Variants in NYNRIN observed in about 807,000 individuals in gnomAD.
NYNRIN encodes protein NYNRIN.
In NYNRIN, 86 loss-of-function variants were observed where a neutral mutation model predicts 146.6. The ratio of observed to expected loss-of-function variants is 0.59; its 90% CI spans 0.49 to 0.70. The LOEUF is 0.70. Ranked by LOEUF, NYNRIN falls within the 30% of genes least tolerant of loss-of-function variation. The pLI, the probability that NYNRIN is intolerant of heterozygous loss-of-function variation, is 0.00. For synonymous variants in NYNRIN, 1,027 were observed against 1,001.3 expected, an observed-to-expected ratio of 1.03 and a Z score of -0.48; for missense variants, 2,191 against 2,377.7, an observed-to-expected ratio of 0.92 and a Z score of 1.63.
chr14:24,415,017 A>G lies in NYNRIN; in HGVS notation c.3268A>G (p.Asn1090Asp). 1 of 1,604,154 alleles carries G rather than the reference A, an allele frequency of 6.2e-7. No homozygotes were observed. The highest frequency in any genetic ancestry group is 8.5e-7 in the Non-Finnish European group (1 of 1,172,460). Residue 1090 changes from asparagine (N) to aspartate (D), a missense_variant, in exon 9 of 9, where the codon AAC becomes GAC. This residue lies in a region of NYNRIN where 1,291 missense variants were observed against 1,417.0 expected (regional missense o/e 0.91). Coordinates refer to ENST00000382554, the MANE Select transcript of NYNRIN (RefSeq NM_025081.3). Reference protein sequence around the residue: ...AHLAQLTIPSNFTALSFFMGF... With the variant: ...AHLAQLTIPSDFTALSFFMGF... ...CCTGGCCCAGCTCACCATCCCCAGC[A>G]ACTTCACCGCACTCTCCTTCTTCAT...
chr14:24,408,782 G>C lies in NYNRIN; in HGVS notation c.988G>C (p.Asp330His). The C allele has an allele frequency of 6.2e-7, 1 of 1,614,044 alleles. No individual in the cohort carries two copies. The highest frequency in any genetic ancestry group is 1.1e-5 in the South Asian group (1 of 91,082). Residue 330 changes from aspartate (D) to histidine (H), a missense_variant, in exon 4 of 9, where the codon GAT (aspartate) becomes CAT (histidine). By Grantham distance (81) the Asp-to-His change is moderately conservative. Coordinates refer to ENST00000382554, the MANE Select transcript of NYNRIN (RefSeq NM_025081.3). ...GCAAAGGCAGGTCCAGAAGATAGAA[G>C]ATAAACTCCTCTTCCAACCTCCAGT... is the stretch of plus-strand genomic sequence containing the variant. ...LKQRQVQKIE[D>H]KLLFQPPVSA...
At position 24,416,997 on chromosome 14, in the gene NYNRIN, G is replaced by T. The variant is rs2042952583; in HGVS notation, c.5248G>T (p.Ala1750Ser). 6.3e-7 allele frequency: 1 copy of T among 1,588,078 alleles called. No individual in the cohort carries two copies. Among genetic ancestry groups the T allele is most frequent in the Non-Finnish European group, 8.6e-7 (1 of 1,165,504 alleles). Residue 1750 changes from alanine to serine, a missense_variant, in exon 9 of 9, where the codon GCC (alanine) becomes TCC (serine). Transcript: ENST00000382554. ...GCCTTTGCTGCACCTGGCCTTCAGG[G>T]CCTCCTCCACTGATGCCACACCGTT... ...SLPLLHLAFR[A>S]SSTDATPFKV...
chr14:24,407,599 G>A (rs931027808), intron 2 of NYNRIN, among the ~76,000 whole-genome samples: 2 of 152,218 alleles, frequency 1.3e-5, no homozygotes, highest in African/African-American at 4.8e-5. Flanking sequence ...AGTTGAGGTC[G>A]AGTTGGAGCT....
In NYNRIN at chr14:24,416,764, G is replaced by T; in HGVS notation, c.5015G>T (p.Gly1672Val). 6.2e-7 allele frequency: 1 copy of T among 1,613,766 alleles called. No homozygotes were observed. ...CTTCAGCATGTGTTTGCAAGGTGGGGTGTTCCTGTGAGGCTGGAGGCAGCC... is the reference window on the plus strand; with the variant it reads ...CTTCAGCATGTGTTTGCAAGGTGGGTTGTTCCTGTGAGGCTGGAGGCAGCC... ...VLLQHVFARW[G>V]VPVRLEAAQG... Residue 1672 changes from glycine (G) to valine (V), a missense_variant, in exon 9 of 9, where the codon GGT becomes GTT. By Grantham distance (109) the Gly-to-Val change is moderately radical. This residue lies in a region of NYNRIN where 1,291 missense variants were observed against 1,417.0 expected (regional missense o/e 0.91). Coordinates refer to ENST00000382554, the MANE Select transcript of NYNRIN (RefSeq NM_025081.3).
At position 24,413,064 on chromosome 14, in the gene NYNRIN, A is replaced by G; in HGVS notation, c.2710A>G (p.Met904Val). 1.9e-6 allele frequency: 3 copies of G among 1,598,746 alleles called. No individual in the cohort carries two copies. The highest frequency in any genetic ancestry group is 2.6e-6 in the Non-Finnish European group (3 of 1,172,430). Reference sequence around the variant, plus strand: ...CACCAATGAGCAGATTCACATCCTGATGAATAGTTCCAAGAAACTGATGGT... The same window carrying G: ...CACCAATGAGCAGATTCACATCCTGGTGAATAGTTCCAAGAAACTGATGGT... ...IVTNEQIHILMNSSKKLMVKD... is the reference protein window; with the variant it reads ...IVTNEQIHILVNSSKKLMVKD... Residue 904 changes from methionine to valine, a missense_variant, in exon 7 of 9, where the codon ATG becomes GTG. Physicochemically the swap from Met to Val is conservative, Grantham distance 21. Coordinates refer to ENST00000382554, the MANE Select transcript of NYNRIN (RefSeq NM_025081.3).
chr14:24,404,273 T>C (rs940492426), intron 2 of NYNRIN, among the ~76,000 whole-genome samples: 3 of 152,260 alleles, frequency 2.0e-5, no homozygotes, highest in Non-Finnish European at 4.4e-5. Flanking sequence ...ATTTTATCTT[T>C]GAAGCCTTTT....
chr14:24,417,877 A>G lies in NYNRIN; in HGVS notation c.*431A>G, dbSNP rs2042959578. 1 of 193,986 alleles carries G rather than the reference A, an allele frequency of 5.2e-6. No homozygotes were observed. Among genetic ancestry groups the G allele is most frequent in the Non-Finnish European group, 1.1e-5 (1 of 93,648 alleles). 12.0% of individuals were successfully genotyped at this position (193,986 alleles called of 1,614,324 possible). On this transcript the variant is annotated 3_prime_UTR_variant, in exon 9 of 9. Transcript: ENST00000382554. Reference sequence around the variant, plus strand: ...AACCACAGTCCTTTCCCATACAGAAACCCCAAATGTGGGCTCCTCCCTCCA... The same window carrying G: ...AACCACAGTCCTTTCCCATACAGAAGCCCCAAATGTGGGCTCCTCCCTCCA...
In NYNRIN at chr14:24,416,216, C is replaced by G. The variant is rs575303770; in HGVS notation, c.4467C>G (p.Ala1489=). ...TACAGCTGAGTGACAGCACCCTGGC[C>G]GACATCATTGCCAGGCTGCAGGCTG... The part of the protein sequence containing the change: ...LALQLSDSTL[A]DIIARLQAGQ... The change falls in exon 9 of 9, where the codon GCC becomes GCG. Residue 1489 remains alanine (A), a synonymous_variant. Coordinates refer to ENST00000382554, the MANE Select transcript of NYNRIN (RefSeq NM_025081.3). 1.2e-6 allele frequency: 2 copies of G among 1,613,970 alleles called. No homozygotes were observed. Among genetic ancestry groups the G allele is most frequent in the Admixed American group, 1.7e-5 (1 of 60,022 alleles).
chr14:24,400,429 C>T (rs758765518), intron 2 of NYNRIN, among the ~76,000 whole-genome samples: 4 of 152,206 alleles, frequency 2.6e-5, no homozygotes, highest in Non-Finnish European at 4.4e-5. Context: ...CCCTTCACCA[C>T]GCACACCTAC....
At chr14:24,401,825 T>A (rs1270756071) in intron 2 of NYNRIN, among the ~76,000 whole-genome samples, 1 of 152,210 alleles carries the variant, frequency 6.6e-6, no homozygotes, top group African/African-American at 2.4e-5. Flanking sequence ...AAAGTGGAAG[T>A]CTTGGATTAA....
intron 4 of NYNRIN, among the ~76,000 whole-genome samples, chr14:24,410,819 C>T (rs574543866): frequency 6.6e-6 from 1 of 152,354 alleles, no homozygotes; most frequent in South Asian, 2.1e-4. Context: ...TGCCTTCTTC[C>T]TCTTGCCCTC....
Position 24,413,449 on chromosome 14 carries a change from C to T in NYNRIN, c.2846+32C>T, listed in dbSNP as rs140642292. ...GGTCAGACCTCCCCAGCCTCCCAGG[C>T]CCTCCTGGGGCTGATCGGAAACTTC... On this transcript the variant is annotated intron_variant, in intron 8 of 8. Transcript: ENST00000382554. The T allele has an allele frequency of 7.6e-4, 1,126 of 1,472,444 alleles. 11 individuals carry two copies. The African/African-American group carries it at 0.014, about 18-fold the overall frequency. 91.2% of individuals were successfully genotyped at this position (1,472,444 alleles called of 1,614,324 possible). A position where few individuals can be genotyped will look rare whatever the true frequency, so the allele number is the denominator to read the frequency against.
At position 24,415,892 on chromosome 14, in the gene NYNRIN, C is replaced by T. The variant is rs1389668731; in HGVS notation, c.4143C>T (p.Ile1381=). 1.2e-6 allele frequency: 2 copies of T among 1,614,010 alleles called. No homozygotes were observed. Among genetic ancestry groups the T allele is most frequent in the Non-Finnish European group, 1.7e-6 (2 of 1,179,892 alleles). Residue 1381 remains isoleucine, a synonymous_variant, in exon 9 of 9, where the codon ATC becomes ATT. Transcript: ENST00000382554. ...TTTTCCTCACTCACTGCAACTGGAT[C>T]TTCAGCCTCCTGTGGGAGCTCCTGC... ...PVVFLTHCNW[I]FSLLWELLPL...
chr14:24,415,158 G>T lies in NYNRIN; in HGVS notation c.3409G>T (p.Ala1137Ser). The change falls in exon 9 of 9, where the codon GCC becomes TCC. Residue 1137 changes from alanine to serine, a missense_variant. Around this residue, in one of 3 missense-constraint regions of NYNRIN, gnomAD observed 1,291 missense variants for 1,417.0 expected, o/e 0.91. Coordinates refer to ENST00000382554, the MANE Select transcript of NYNRIN (RefSeq NM_025081.3). ...GCAGTGGGACCAGGAGCATGAGGAG[G>T]CCTTCCTGGCCCTGAAGCGAGCCCT... ...DWQWDQEHEE[A>S]FLALKRALVS... 1 of 1,606,148 alleles carries T rather than the reference G, an allele frequency of 6.2e-7. No individual in the cohort carries two copies. The highest frequency in any genetic ancestry group is 8.5e-7 in the Non-Finnish European group (1 of 1,178,956).
At chr14:24,404,138 T>C (rs981841621) in intron 2 of NYNRIN, among the ~76,000 whole-genome samples, 1 of 152,244 alleles carries the variant, frequency 6.6e-6, no homozygotes, top group Non-Finnish European at 1.5e-5. Flanking sequence ...TGGGGAAGTA[T>C]TTAGTCGATG....
At chr14:24,400,221 A>C (rs1398501551) in intron 2 of NYNRIN, among the ~76,000 whole-genome samples, 1 of 152,124 alleles carries the variant, frequency 6.6e-6, no homozygotes, top group Non-Finnish European at 1.5e-5. Flanking sequence ...AGGGCTTGCT[A>C]TGTGGGGCTG....
In NYNRIN at chr14:24,408,373, G is replaced by T; in HGVS notation, c.703G>T (p.Val235Leu). The part of the protein sequence containing the change: ...PQQQKEAPAM[V>L]SVGESPGPFV... ...GCAGCAGAAGGAAGCCCCAGCCATG[G>T]TGTCCGTGGGAGAGAGTCCTGGACC... Residue 235 changes from valine to leucine, a missense_variant, in exon 3 of 9, where the codon GTG becomes TTG. Val to Leu is a conservative substitution (Grantham distance 32). Coordinates refer to ENST00000382554, the MANE Select transcript of NYNRIN (RefSeq NM_025081.3). 2.5e-6 allele frequency: 4 copies of T among 1,613,898 alleles called. No homozygotes were observed. Among genetic ancestry groups the T allele is most frequent in the Non-Finnish European group, 3.4e-6 (4 of 1,179,892 alleles).
Position 24,415,132 on chromosome 14 carries a change from G to A in NYNRIN, c.3383G>A (p.Trp1128Ter). Residue 1128 changes from tryptophan to a stop codon, truncating the protein, a stop_gained, in exon 9 of 9, where the codon TGG becomes TAG. Coordinates refer to ENST00000382554, the MANE Select transcript of NYNRIN (RefSeq NM_025081.3). LOFTEE classifies it high-confidence loss of function. ...AGCCTCCTCAAGCAGAAGCCTGACT[G>A]GCAGTGGGACCAGGAGCATGAGGAG... ...LHSLLKQKPD[W>*]QWDQEHEEAF... 1 of 1,605,856 alleles carries A rather than the reference G, an allele frequency of 6.2e-7. No individual in the cohort carries two copies. Among genetic ancestry groups the A allele is most frequent in the Non-Finnish European group, 8.5e-7 (1 of 1,179,054 alleles).
chr14:24,419,192 G>A lies in NYNRIN; in HGVS notation c.*1746G>A, dbSNP rs1409576054. Reference sequence around the variant, plus strand: ...TCACTCTCCCTCCCTGGTGCTGTATGCGTTCCCCCTGTTAGCTACATTTGT... The same window carrying A: ...TCACTCTCCCTCCCTGGTGCTGTATACGTTCCCCCTGTTAGCTACATTTGT... On this transcript the variant is annotated 3_prime_UTR_variant, in exon 9 of 9. Coordinates refer to ENST00000382554, the MANE Select transcript of NYNRIN (RefSeq NM_025081.3). 1 of 152,216 alleles carries A rather than the reference G, an allele frequency of 6.6e-6. No individual in the cohort carries two copies. Among genetic ancestry groups the A allele is most frequent in the African/African-American group, 2.4e-5 (1 of 41,424 alleles). The allele number at this position is 152,216 out of a possible 1,614,324, so 9.4% of individuals were successfully genotyped here.
Sources: gnomAD v4.1 joint callset for allele counts (sites outside exome capture counted in the v4.1 genomes callset) on GRCh38, gnomAD v4.1.1 for gene constraint, gnomAD v4.1.1 regional missense constraint, MANE v1.5 for transcripts, NCBI Gene and HGNC (gene_info 2026-07-23, HGNC 2026-07-21) for gene names.